NTNG1: variants seen among roughly 807,000 people sequenced by gnomAD.
NTNG1 encodes netrin-G1.
A neutral mutation model predicts 54.0 loss-of-function variants in NTNG1; 16 were observed. The observed-to-expected ratio is 0.30, with a 90% confidence interval of 0.20 to 0.45. The LOEUF is 0.45. Ranked by LOEUF, NTNG1 falls within the 20% of genes least tolerant of loss-of-function variation. The pLI, the probability that NTNG1 is intolerant of heterozygous loss-of-function variation, is 1.00. For missense variants in NTNG1, 530 were observed against 678.7 expected (o/e 0.78, Z 2.43); for synonymous variants, 255 against 263.1 (o/e 0.97, Z 0.30).
intron 3 of NTNG1, among the ~76,000 whole-genome samples, chr1:107,386,174 T>TTCTTCCTTTGAAATGGGGTTTCACTC: frequency 1.4e-5 from 2 of 147,586 alleles, no homozygotes; most frequent in Admixed American, 6.8e-5. Context: ...TATTTTTTTT[T>TTCTTCCTTTGAAATGGGGTTTCACTC]TTTTCTTCCT....
In NTNG1 at chr1:107,480,978, A is replaced by G. The variant is rs1678677436; in HGVS notation, c.*138A>G. The stretch of plus-strand genomic sequence containing the variant: ...TGTACAAACTAAGAAGGCCTAACTG[A>G]ACTAAGCCATATTTATCACCCGTGG... On this transcript the variant is annotated 3_prime_UTR_variant, in exon 8 of 8. Coordinates refer to ENST00000370068, the MANE Select transcript of NTNG1 (RefSeq NM_001113226.3). 7.7e-6 allele frequency: 5 copies of G among 651,374 alleles called. No individual in the cohort carries two copies. The highest frequency in any genetic ancestry group is 3.6e-5 in the African/African-American group (2 of 55,166). 40.3% of individuals were successfully genotyped at this position (651,374 alleles called of 1,614,324 possible). A position where few individuals can be genotyped will look rare whatever the true frequency, so the allele number is the denominator to read the frequency against.
At chr1:107,246,649 AT>A (rs1048401481) in intron 2 of NTNG1, among the ~76,000 whole-genome samples, 2 of 152,004 alleles carry the variant, frequency 1.3e-5, no homozygotes, top group Non-Finnish European at 2.9e-5. Flanking sequence ...CCTATGCTTA[AT>A]TTTTTATTGC....
chr1:107,438,787 G>A (rs978399731), intron 7 of NTNG1, among the ~76,000 whole-genome samples: 8 of 152,160 alleles, frequency 5.3e-5, no homozygotes, highest in Non-Finnish European at 1.0e-4. Context: ...CATTATTGGA[G>A]TATTATAAAA....
intron 2 of NTNG1, among the ~76,000 whole-genome samples, chr1:107,180,149 T>A (rs1246041781): frequency 1.3e-5 from 2 of 152,178 alleles, no homozygotes; most frequent in Admixed American, 1.3e-4. Context: ...GTGCTTCTTT[T>A]TGCAAAGCCC....
intron 2 of NTNG1, among the ~76,000 whole-genome samples, chr1:107,220,104 G>A (rs1344259748): frequency 2.0e-5 from 3 of 152,142 alleles, no homozygotes; most frequent in African/African-American, 7.2e-5. Context: ...TATGTTCCCA[G>A]GGGGATTATG....
chr1:107,208,835 A>G (rs535458023), intron 2 of NTNG1, among the ~76,000 whole-genome samples: 1 of 151,976 alleles, frequency 6.6e-6, no homozygotes, highest in South Asian at 2.1e-4. Flanking sequence ...TCTACCTTCA[A>G]CCACGCTCAC....
intron 2 of NTNG1, among the ~76,000 whole-genome samples, chr1:107,183,238 A>G (rs1174374174): frequency 2.6e-5 from 4 of 152,104 alleles, no homozygotes; most frequent in African/African-American, 9.7e-5. Flanking sequence ...CAAAACAGCT[A>G]CTTCTCTTCT....
intron 3 of NTNG1, among the ~76,000 whole-genome samples, chr1:107,355,652 A>G (rs1225419130): frequency 6.6e-6 from 1 of 152,164 alleles, no homozygotes; most frequent in African/African-American, 2.4e-5. Context: ...CAACATTTAC[A>G]GGAAGTGTGG....
In NTNG1 at chr1:107,480,896, C is replaced by A; in HGVS notation, c.*56C>A. 7.6e-7 allele frequency: 1 copy of A among 1,323,912 alleles called. No individual in the cohort carries two copies. The highest frequency in any genetic ancestry group is 1.1e-6 in the Non-Finnish European group (1 of 947,062). 82.0% of individuals were successfully genotyped at this position (1,323,912 alleles called of 1,614,324 possible). ...GTGCCGTGGGGAAGCAGACACAACC[C>A]AAACATTTGCTACTAACATAGGAAA... On this transcript the variant is annotated 3_prime_UTR_variant, in exon 8 of 8. Coordinates refer to ENST00000370068, the MANE Select transcript of NTNG1 (RefSeq NM_001113226.3).
intron 2 of NTNG1, among the ~76,000 whole-genome samples, chr1:107,276,770 A>G (rs1664504525): frequency 6.6e-6 from 1 of 152,128 alleles, no homozygotes. Flanking sequence ...GATTATTAAC[A>G]ATGATATTCA....
intron 3 of NTNG1, among the ~76,000 whole-genome samples, chr1:107,368,847 A>G (rs1670747189): frequency 6.6e-6 from 1 of 152,208 alleles, no homozygotes; most frequent in Non-Finnish European, 1.5e-5. Flanking sequence ...TAATTGACAT[A>G]CAATAAACTG....
At chr1:107,234,568 T>C (rs1661280457) in intron 2 of NTNG1, among the ~76,000 whole-genome samples, 1 of 152,200 alleles carries the variant, frequency 6.6e-6, no homozygotes, top group Non-Finnish European at 1.5e-5. Context: ...AGGTAGCTAT[T>C]ATTCCCCTCT....
At chr1:107,376,048 G>A (rs1671211122) in intron 3 of NTNG1, among the ~76,000 whole-genome samples, 1 of 152,182 alleles carries the variant, frequency 6.6e-6, no homozygotes, top group Admixed American at 6.5e-5. Context: ...AACATTTATT[G>A]AGCACTTATA....
chr1:107,417,605 C>T (rs775101044), intron 5 of NTNG1, among the ~76,000 whole-genome samples: 5 of 151,986 alleles, frequency 3.3e-5, no homozygotes, highest in Admixed American at 6.6e-5. Context: ...GTCCACATAT[C>T]GGTGAGAAAA....
At chr1:107,343,500 C>T (rs917319518) in intron 3 of NTNG1, among the ~76,000 whole-genome samples, 6 of 151,906 alleles carry the variant, frequency 3.9e-5, no homozygotes, top group Non-Finnish European at 8.8e-5. Flanking sequence ...CTTTCTTGAC[C>T]CTACTTTTTT....
At chr1:107,269,512 C>G (rs1663994691) in intron 2 of NTNG1, among the ~76,000 whole-genome samples, 1 of 152,188 alleles carries the variant, frequency 6.6e-6, no homozygotes, top group Non-Finnish European at 1.5e-5. Flanking sequence ...CACATGAAGG[C>G]AGCTTTGTGA....
At chr1:107,432,265 T>C (rs1675316914) in intron 6 of NTNG1, among the ~76,000 whole-genome samples, 1 of 152,198 alleles carries the variant, frequency 6.6e-6, no homozygotes, top group African/African-American at 2.4e-5. Context: ...TGTCTTGTTT[T>C]GTTTTTACTT....
chr1:107,167,225 T>C (rs1024691956), intron 2 of NTNG1, among the ~76,000 whole-genome samples: 2 of 152,046 alleles, frequency 1.3e-5, no homozygotes, highest in African/African-American at 4.8e-5. Context: ...CATAACTTCA[T>C]GAGACTGTCT....
At chr1:107,215,942 C>T (rs1178183871) in intron 2 of NTNG1, among the ~76,000 whole-genome samples, 3 of 152,020 alleles carry the variant, frequency 2.0e-5, no homozygotes, top group East Asian at 3.9e-4. Context: ...ATTTGATTCT[C>T]AGCTTGGTTG....
Sources: gnomAD v4.1 joint callset for allele counts (sites outside exome capture counted in the v4.1 genomes callset) on GRCh38, gnomAD v4.1.1 for gene constraint, MANE v1.5 for transcripts, NCBI Gene and HGNC (gene_info 2026-07-23, HGNC 2026-07-21) for gene names.